Variants in C1QTNF7 observed in about 807,000 individuals in gnomAD.
The protein encoded by C1QTNF7 is complement C1q tumor necrosis factor-related protein 7.
C1QTNF7 carries 15 observed loss-of-function variants against 19.6 expected under a neutral mutation model. That is an observed-to-expected ratio of 0.76 (90% CI 0.51 to 1.18). The LOEUF (loss-of-function observed/expected upper bound fraction) is 1.18. C1QTNF7 is among the 50% of genes most tolerant of loss of function. C1QTNF7 has a pLI of 0.00. For missense variants in C1QTNF7, 324 were observed against 359.7 expected (o/e 0.90, Z 0.80); for synonymous variants, 142 against 137.5 (o/e 1.03, Z -0.23).
upstream of C1QTNF7, among the ~76,000 whole-genome samples, chr4:15,425,866 G>C (rs1297804562): frequency 6.6e-6 from 1 of 152,106 alleles, no homozygotes; most frequent in Non-Finnish European, 1.5e-5. Flanking sequence ...GTATGTATGT[G>C]TGTAGTGGTG....
At chr4:15,363,806 G>C (rs1468600632) in intron 1 of C1QTNF7, among the ~76,000 whole-genome samples, 2 of 152,138 alleles carry the variant, frequency 1.3e-5, no homozygotes, top group Non-Finnish European at 2.9e-5. Context: ...TATGAAGAAA[G>C]AAATGTCACT....
At chr4:15,412,519 T>C (rs1719440392) in intron 1 of C1QTNF7, among the ~76,000 whole-genome samples, 1 of 152,152 alleles carries the variant, frequency 6.6e-6, no homozygotes, top group East Asian at 1.9e-4. Context: ...CTCTCTATAA[T>C]TCTAAACTTC....
intron 1 of C1QTNF7, among the ~76,000 whole-genome samples, chr4:15,416,930 CAT>C (rs1719627728): frequency 6.6e-6 from 1 of 152,188 alleles, no homozygotes; most frequent in Non-Finnish European, 1.5e-5. Flanking sequence ...TTGTCTATTG[CAT>C]TCTCTCTAGT....
chr4:15,361,359 C>T (rs1489583603), intron 1 of C1QTNF7: 2 of 152,206 alleles, frequency 1.3e-5, no homozygotes, highest in East Asian at 3.9e-4. Flanking sequence ...AACAGTTACT[C>T]TGAAGGCCAT....
intron 1 of C1QTNF7, among the ~76,000 whole-genome samples, chr4:15,363,002 G>T (rs1717395377): frequency 6.6e-6 from 1 of 152,124 alleles, no homozygotes; most frequent in African/African-American, 2.4e-5. Context: ...CTGATAAAAG[G>T]TTCAGTGAGA....
intron 1 of C1QTNF7, among the ~76,000 whole-genome samples, chr4:15,405,805 C>A (rs1253446350): frequency 6.6e-6 from 1 of 152,212 alleles, no homozygotes; most frequent in Non-Finnish European, 1.5e-5. Flanking sequence ...CAAGACCCTG[C>A]ATAACCCAGC....
At chr4:15,431,751 CT>C (rs1488520850) in intron 1 of C1QTNF7, among the ~76,000 whole-genome samples, 3 of 152,116 alleles carry the variant, frequency 2.0e-5, no homozygotes, top group Non-Finnish European at 2.9e-5. Flanking sequence ...GGGTTAAGCC[CT>C]GCTGTAAGTG....
rs1233651226 is a variant in C1QTNF7, at chr4:15,420,261, A to G, written c.14-15475A>G. 2.0e-5 allele frequency among the ~76,000 whole-genome samples: 3 copies of G among 152,192 alleles called. No individual in the cohort carries two copies. The East Asian group carries it at 5.8e-4, about 29-fold the overall frequency. On this transcript the variant is annotated intron_variant, in intron 1 of 2. Transcript: ENST00000295297. ...TTAGCTCTCCATGAAAAAACTACTT[A>G]TTCCATCCTGGCACTTATTTTCTCA...
intron 1 of C1QTNF7, among the ~76,000 whole-genome samples, chr4:15,421,789 T>C (rs974798343): frequency 4.6e-5 from 7 of 152,132 alleles, no homozygotes; most frequent in East Asian, 3.8e-4. Context: ...AGGTAGCACA[T>C]AGTAGATGGT....
chr4:15,409,026 G>A (rs1294136228), intron 1 of C1QTNF7, among the ~76,000 whole-genome samples: 2 of 152,176 alleles, frequency 1.3e-5, no homozygotes, highest in Non-Finnish European at 2.9e-5. Flanking sequence ...CAAGTCCAAC[G>A]TTCCTTCCAG....
chr4:15,417,652 G>A (rs535388518), intron 1 of C1QTNF7, among the ~76,000 whole-genome samples: 4 of 152,208 alleles, frequency 2.6e-5, no homozygotes, highest in Non-Finnish European at 4.4e-5. Flanking sequence ...AGATACTTGA[G>A]AGGCTGAGGT....
At position 15,360,653 on chromosome 4, in the gene C1QTNF7, A is replaced by G. The variant is rs80215320; in HGVS notation, c.13+20446A>G. Among the ~76,000 whole-genome samples, 1,025 of 152,318 alleles carry G rather than the reference A, an allele frequency of 6.7e-3. 10 individuals carry two copies. Among genetic ancestry groups the G allele is most frequent in the African/African-American group, 0.023 (972 of 41,576 alleles). ...AGAAACAGCACTAAATATACTGCCA[A>G]AAAGGACACTTGTTTACAGTGTGAG... On this transcript the variant is annotated intron_variant, in intron 1 of 2. Coordinates refer to the C1QTNF7 transcript ENST00000295297.
chr4:15,438,300 AAG>A (rs1436932263), intron 2 of C1QTNF7, among the ~76,000 whole-genome samples: 1 of 152,190 alleles, frequency 6.6e-6, no homozygotes, highest in East Asian at 1.9e-4. Flanking sequence ...ATGATCGATG[AAG>A]AGAGGTGTAC....
At chr4:15,355,174 G>A (rs1358246433) in intron 1 of C1QTNF7, among the ~76,000 whole-genome samples, 1 of 152,122 alleles carries the variant, frequency 6.6e-6, no homozygotes, top group Non-Finnish European at 1.5e-5. Context: ...CTTACCCAAA[G>A]TAAGGAGTTG....
chr4:15,402,185 A>G (rs766493980), intron 1 of C1QTNF7, among the ~76,000 whole-genome samples: 2 of 152,230 alleles, frequency 1.3e-5, no homozygotes, highest in Non-Finnish European at 2.9e-5. Context: ...AGTCTCCACC[A>G]CAATCCTCAA....
At chr4:15,433,405 A>G (rs1437766599) in intron 1 of C1QTNF7, among the ~76,000 whole-genome samples, 1 of 152,040 alleles carries the variant, frequency 6.6e-6, no homozygotes, top group Non-Finnish European at 1.5e-5. Context: ...GGCCTGCATC[A>G]TGTATCACCA....
chr4:15,406,630 C>A (rs966883907), intron 1 of C1QTNF7, among the ~76,000 whole-genome samples: 1 of 151,886 alleles, frequency 6.6e-6, no homozygotes, highest in Admixed American at 6.6e-5. Flanking sequence ...ATGTTACTGG[C>A]AAAAACAAAA....
intron 1 of C1QTNF7, among the ~76,000 whole-genome samples, chr4:15,356,620 G>A (rs1309015863): frequency 6.6e-6 from 1 of 152,184 alleles, no homozygotes; most frequent in East Asian, 1.9e-4. Flanking sequence ...ACCCAGTAAT[G>A]GGATTGCTGC....
At chr4:15,354,422 G>A (rs1180226217) in intron 1 of C1QTNF7, among the ~76,000 whole-genome samples, 1 of 152,118 alleles carries the variant, frequency 6.6e-6, no homozygotes, top group Non-Finnish European at 1.5e-5. Flanking sequence ...AGCTGACCAT[G>A]TGTGGGGGAG....
Sources: allele counts gnomAD v4.1 joint callset (sites outside exome capture counted in the v4.1 genomes callset), GRCh38; gene constraint gnomAD v4.1.1; transcripts MANE v1.5; gene names NCBI Gene and HGNC (gene_info 2026-07-23, HGNC 2026-07-21).